The following PTPRT variants were observed in gnomAD, a reference collection of about 807,000 sequenced individuals.
PTPRT encodes the protein protein tyrosine phosphatase receptor type T.
Under a neutral mutation model 176.8 loss-of-function variants are expected in PTPRT, and 56 were observed. The observed-to-expected ratio is 0.32, with a 90% confidence interval of 0.26 to 0.40. PTPRT has a LOEUF of 0.40. Ranked by LOEUF, PTPRT falls within the 10% of genes least tolerant of loss-of-function variation. The probability of loss-of-function intolerance (pLI) is 1.00; values close to 1 mark genes in which losing one functional copy is unlikely to be tolerated. For synonymous variants in PTPRT, 783 were observed against 739.0 expected (o/e 1.06, Z -0.96); for missense variants, 1,540 against 1,908.2 (o/e 0.81, Z 3.60).
intron 9 of PTPRT, among the ~76,000 whole-genome samples, chr20:42,437,790 G>A (rs16986907): frequency 0.11 from 16,571 of 152,180 alleles, 1,051 homozygotes; most frequent in East Asian, 0.2. Flanking sequence ...AGCCTCCAGA[G>A]ACTTCAGAAC....
In PTPRT at chr20:42,102,229, A is replaced by G. The variant is rs758613161; in HGVS notation, c.3609T>C (p.His1203=). Residue 1203 remains histidine (H), a synonymous_variant, in exon 26 of 31, where the codon CAT becomes CAC. Transcript: ENST00000373187. ...GCACGTCCATACTTCGATTCTTATC[A>G]TGGTTCCGGGGCAGGAGCCCAATGC... ...DCSIGLLPRN[H]DKNRSMDVLP... 3.7e-6 allele frequency: 6 copies of G among 1,614,072 alleles called. No homozygotes were observed. In the East Asian group the frequency reaches 8.9e-5, roughly 24 times the overall value.
chr20:42,260,013 T>A (rs1000443344), intron 13 of PTPRT, among the ~76,000 whole-genome samples: 1 of 152,198 alleles, frequency 6.6e-6, no homozygotes, highest in Non-Finnish European at 1.5e-5. Context: ...TATAGCAAGG[T>A]GCTGAGCATG....
At chr20:42,283,305 A>G (rs577249437) in intron 12 of PTPRT, among the ~76,000 whole-genome samples, 1 of 152,228 alleles carries the variant, frequency 6.6e-6, no homozygotes, top group Middle Eastern at 3.4e-3. Flanking sequence ...TATACCCCCA[A>G]CAACAGTCTG....
In PTPRT at chr20:42,568,112, G is replaced by A. The variant is rs1277675127; in HGVS notation, c.1154-95550C>T. Among the ~76,000 whole-genome samples the A allele has an allele frequency of 2.6e-5, 4 of 151,874 alleles. No homozygotes were observed. The East Asian group carries it at 7.7e-4, about 29-fold the overall frequency. On this transcript the variant is annotated intron_variant, in intron 7 of 30. Coordinates refer to ENST00000373187, the MANE Select transcript of PTPRT (RefSeq NM_007050.6). ...GGCTCCCGAGTAGCTGGGATTACATGCACCCACCACCATGCCCGGCTAATT... is the reference window on the plus strand; with the variant it reads ...GGCTCCCGAGTAGCTGGGATTACATACACCCACCACCATGCCCGGCTAATT...
At chr20:42,084,627 G>A in intron 29 of PTPRT, 55 bp downstream of exon 29, 1 of 1,331,912 alleles carries the variant, frequency 7.5e-7, no homozygotes, top group Non-Finnish European at 9.8e-7. Flanking sequence ...GCATCTGCAA[G>A]GATGCTCTAT....
intron 8 of PTPRT, among the ~76,000 whole-genome samples, chr20:42,470,669 A>G (rs529520869): frequency 6.6e-6 from 1 of 152,162 alleles, no homozygotes; most frequent in South Asian, 2.1e-4. Flanking sequence ...CTGGGAAGAA[A>G]CATCCAAGTC....
intron 7 of PTPRT, among the ~76,000 whole-genome samples, chr20:42,522,353 T>C (rs1007964999): frequency 6.6e-6 from 1 of 151,950 alleles, no homozygotes; most frequent in Middle Eastern, 3.2e-3. Context: ...TTTTTGTTGT[T>C]GTGTCTCATA....
At chr20:42,779,731 T>TGGA (rs2077187360) in intron 4 of PTPRT, among the ~76,000 whole-genome samples, 3 of 152,202 alleles carry the variant, frequency 2.0e-5, no homozygotes, top group Non-Finnish European at 4.4e-5. Flanking sequence ...GAAATCTCTA[T>TGGA]GCCTACATGG....
At chr20:42,152,160 A>C (rs891580764) in intron 17 of PTPRT, among the ~76,000 whole-genome samples, 1 of 152,232 alleles carries the variant, frequency 6.6e-6, no homozygotes, top group Admixed American at 6.5e-5. Context: ...TGACAGCCAA[A>C]TATCTTGAGA....
chr20:42,785,227 C>T (rs956686229), intron 3 of PTPRT, among the ~76,000 whole-genome samples: 8 of 152,338 alleles, frequency 5.3e-5, no homozygotes, highest in Admixed American at 5.2e-4. Flanking sequence ...GGCAGGTTCT[C>T]ACCCCCGGCC....
chr20:42,499,771 T>C (rs1377241217), intron 7 of PTPRT, among the ~76,000 whole-genome samples: 1 of 152,176 alleles, frequency 6.6e-6, no homozygotes, highest in Non-Finnish European at 1.5e-5. Context: ...GTCCAATATA[T>C]GTATTGAAAA....
At chr20:42,893,752 A>C (rs1246789095) in intron 1 of PTPRT, among the ~76,000 whole-genome samples, 15 of 151,728 alleles carry the variant, frequency 9.9e-5, no homozygotes, top group East Asian at 2.0e-4. Context: ...TCAGTAAACT[A>C]TCGCAAGGAC....
the PTPRT span, among the ~76,000 whole-genome samples, chr20:42,051,267 A>G: frequency 1.3e-5 from 2 of 152,182 alleles, no homozygotes; most frequent in Non-Finnish European, 2.9e-5. Context: ...GGAGGTCTCT[A>G]TGAGACAGAA....
chr20:42,749,007 G>A (rs960058707), intron 6 of PTPRT, among the ~76,000 whole-genome samples: 6 of 152,130 alleles, frequency 3.9e-5, no homozygotes, highest in Admixed American at 2.6e-4. Flanking sequence ...GCTTCTAGGG[G>A]TCTCAACGCC....
intron 7 of PTPRT, among the ~76,000 whole-genome samples, chr20:42,643,669 C>G (rs746925684): frequency 6.6e-6 from 1 of 152,040 alleles, no homozygotes; most frequent in African/African-American, 2.4e-5. Flanking sequence ...ATACCTTACC[C>G]AAGCTTACAG....
chr20:42,292,319 TA>T (rs962202920), intron 12 of PTPRT, among the ~76,000 whole-genome samples: 2 of 151,234 alleles, frequency 1.3e-5, no homozygotes, highest in African/African-American at 4.9e-5. Flanking sequence ...TTTTTTTTTT[TA>T]AAAGATGTCC....
At chr20:42,711,751 T>C (rs2076147514) in intron 6 of PTPRT, among the ~76,000 whole-genome samples, 1 of 151,890 alleles carries the variant, frequency 6.6e-6, no homozygotes, top group African/African-American at 2.4e-5. Flanking sequence ...CTTTTTTTTT[T>C]CTAGCCTCGG....
At chr20:42,817,278 A>T (rs1435748390) in intron 2 of PTPRT, among the ~76,000 whole-genome samples, 1 of 152,168 alleles carries the variant, frequency 6.6e-6, no homozygotes, top group African/African-American at 2.4e-5. Flanking sequence ...TGAGGGCGGG[A>T]TCTGAAAGGC....
chr20:42,949,206 G>A (rs1011013070), intron 1 of PTPRT, among the ~76,000 whole-genome samples: 1 of 152,170 alleles, frequency 6.6e-6, no homozygotes, highest in Non-Finnish European at 1.5e-5. Flanking sequence ...CTGAGCTAGG[G>A]CCTATTCCTA....
Sources: gnomAD v4.1 joint callset for allele counts (sites outside exome capture counted in the v4.1 genomes callset) on GRCh38, gnomAD v4.1.1 for gene constraint, MANE v1.5 for transcripts, NCBI Gene and HGNC (gene_info 2026-07-23, HGNC 2026-07-21) for gene names.